The following TAF8 variants were observed in gnomAD, a reference collection of about 807,000 sequenced individuals.
The protein encoded by TAF8 is transcription initiation factor TFIID subunit 8.
TAF8 carries 47 observed loss-of-function variants against 36.5 expected under a neutral mutation model. The observed-to-expected ratio is 1.29, with a 90% CI of 1.02 to 1.64. The LOEUF (loss-of-function observed/expected upper bound fraction) is 1.64. Among genes scored for constraint, TAF8 ranks in the 40% most tolerant of loss-of-function variants. TAF8 has a pLI of 0.00. For missense variants in TAF8, 420 were observed against 407.6 expected (o/e 1.03, Z -0.26); for synonymous variants, 175 against 159.5 (o/e 1.10, Z -0.73).
intron 1 of TAF8, chr6:42,050,973 C>T: frequency 9.1e-7 from 1 of 1,093,392 alleles, no homozygotes; most frequent in Non-Finnish European, 1.1e-6. Flanking sequence ...TTACTGTTTT[C>T]ATTTTCCCTT....
intron 5 of TAF8, among the ~76,000 whole-genome samples, chr6:42,062,333 G>A (rs1765217063): frequency 6.6e-6 from 1 of 151,908 alleles, no homozygotes; most frequent in Non-Finnish European, 1.5e-5. Flanking sequence ...ATTCAGACAC[G>A]TGGGTCCAGA....
chr6:42,069,411 A>C (rs193108402), intron 7 of TAF8, among the ~76,000 whole-genome samples: 1 of 152,236 alleles, frequency 6.6e-6, no homozygotes, highest in African/African-American at 2.4e-5. Context: ...AAAAATAAGG[A>C]GATGTGGTCA....
chr6:42,050,641 T>C, intron 1 of TAF8, 55 bp downstream of exon 1: 1 of 1,513,868 alleles, frequency 6.6e-7, no homozygotes, highest in Non-Finnish European at 8.9e-7. Flanking sequence ...TCCTGCAACT[T>C]TCCCCTCGAC....
chr6:42,051,535 G>A (rs756552601), intron 2 of TAF8, 22 bp downstream of exon 2: 8 of 1,609,610 alleles, frequency 5.0e-6, no homozygotes, highest in Non-Finnish European at 6.8e-6. Context: ...GAAACACTTG[G>A]CCTTGGAGTC....
intron 5 of TAF8, among the ~76,000 whole-genome samples, chr6:42,065,222 T>G (rs1765320585): frequency 6.6e-6 from 1 of 151,872 alleles, no homozygotes; most frequent in Non-Finnish European, 1.5e-5. Flanking sequence ...GGCACGTGCC[T>G]GTAGTCCCAG....
chr6:42,073,333 G>T (rs184529873), intron 7 of TAF8, among the ~76,000 whole-genome samples: 1 of 152,154 alleles, frequency 6.6e-6, no homozygotes, highest in African/African-American at 2.4e-5. Context: ...ATTTTTTCTG[G>T]CTGCTTGGGA....
intron 7 of TAF8, among the ~76,000 whole-genome samples, chr6:42,071,008 C>T (rs144165613): frequency 5.5e-4 from 84 of 152,162 alleles, no homozygotes; most frequent in African/African-American, 1.9e-3. Flanking sequence ...TCATACTCAG[C>T]GAGTGAAAGG....
At chr6:42,086,652 C>T (rs1766033166), downstream of TAF8, 1 of 1,517,032 alleles carries the variant, frequency 6.6e-7, no homozygotes, top group Admixed American at 2.0e-5. Flanking sequence ...GCCCCCTCTT[C>T]CACCACCCTC....
rs576289564 is a variant in TAF8, at chr6:42,079,742, C to T, written c.*2197C>T. 3.7e-4 allele frequency: 225 copies of T among 613,580 alleles called. 2 individuals are homozygous for T. Among genetic ancestry groups the T allele is most frequent in the African/African-American group, 3.2e-3 (155 of 48,864 alleles). The allele number at this position is 613,580 out of a possible 1,614,324, so 38.0% of individuals were successfully genotyped here. ...TTTTTTTTTTTTTTTTTAGTAGACACGGGATTTTGCTATGTTGCCCAGGCT... is the reference window on the plus strand; with the variant it reads ...TTTTTTTTTTTTTTTTTAGTAGACATGGGATTTTGCTATGTTGCCCAGGCT... On this transcript the variant is annotated 3_prime_UTR_variant, in exon 9 of 9. Transcript: ENST00000372977.
At chr6:42,069,077 C>T (rs896819166) in intron 7 of TAF8, among the ~76,000 whole-genome samples, 7 of 152,010 alleles carry the variant, frequency 4.6e-5, no homozygotes, top group African/African-American at 1.7e-4. Flanking sequence ...GGCAGGAGCT[C>T]CCCTGTTGTA....
chr6:42,085,447 A>C (rs1286305557), downstream of TAF8, among the ~76,000 whole-genome samples: 1 of 152,192 alleles, frequency 6.6e-6, no homozygotes, highest in Non-Finnish European at 1.5e-5. Flanking sequence ...ATTTATGTTA[A>C]AATCCCCGAG....
In TAF8 at chr6:42,078,360, G is replaced by A. The variant is rs914314761; in HGVS notation, c.*815G>A. On this transcript the variant is annotated 3_prime_UTR_variant, in exon 9 of 9. Transcript: ENST00000372977. ...TTACAAGGAAGACTGTTTGTCCAGC[G>A]TGTATTTCAGGATATCTGGATCCCT... 2.6e-5 allele frequency: 26 copies of A among 985,350 alleles called. No homozygotes were observed. The highest frequency in any genetic ancestry group is 6.2e-5 in the Admixed American group (1 of 16,260). 61.0% of individuals were successfully genotyped at this position (985,350 alleles called of 1,614,324 possible).
chr6:42,080,386 T>C lies in TAF8; in HGVS notation c.*2841T>C. On this transcript the variant is annotated 3_prime_UTR_variant, in exon 9 of 9. Transcript: ENST00000372977. ...TTTTTTTCTTTTCTTTTTTTTTTTT[T>C]TTTGAGACGGCATCTCACTCTTATC... The C allele has an allele frequency of 1.0e-6, 1 of 987,222 alleles. No individual in the cohort carries two copies. The highest frequency in any genetic ancestry group is 1.2e-6 in the Non-Finnish European group (1 of 830,190). 61.2% of individuals were successfully genotyped at this position (987,222 alleles called of 1,614,324 possible). A position where few individuals can be genotyped will look rare whatever the true frequency, so the allele number is the denominator to read the frequency against.
At chr6:42,063,850 G>A (rs1022510036) in intron 5 of TAF8, 3 of 151,764 alleles carry the variant, frequency 2.0e-5, no homozygotes, top group African/African-American at 7.3e-5. Flanking sequence ...TGAACTCCCG[G>A]GCTCAAGCAG....
rs1764877184 is a variant in TAF8, at chr6:42,053,600, T to C, written c.203-1931T>C. On this transcript the variant is annotated intron_variant, in intron 2 of 8. Transcript: ENST00000372977. ...AAAAGAAAAAAAAAGAAGAAGAAATTTTGAAAATAAGAATGTACAATCACA... is the reference window on the plus strand; with the variant it reads ...AAAAGAAAAAAAAAGAAGAAGAAATCTTGAAAATAAGAATGTACAATCACA... Among the ~76,000 whole-genome samples, 4 of 151,874 alleles carry C rather than the reference T, an allele frequency of 2.6e-5. No individual in the cohort carries two copies. The South Asian group carries it at 8.3e-4, about 32-fold the overall frequency.
At chr6:42,074,643 T>C (rs1765685850) in intron 7 of TAF8, among the ~76,000 whole-genome samples, 1 of 152,128 alleles carries the variant, frequency 6.6e-6, no homozygotes, top group South Asian at 2.1e-4. Context: ...CAAGCGACTG[T>C]CTTGCCTCAG....
rs748725698 is a variant in TAF8, at chr6:42,068,473, G to A, written c.646G>A (p.Ala216Thr). 6.2e-7 allele frequency: 1 copy of A among 1,613,876 alleles called. No individual in the cohort carries two copies. The highest frequency in any genetic ancestry group is 1.1e-5 in the South Asian group (1 of 91,080). Residue 216 changes from alanine to threonine, a missense_variant, in exon 7 of 9, where the codon GCC becomes ACC. Ala to Thr is a moderately conservative substitution (Grantham distance 58). Transcript: ENST00000372977. The stretch of plus-strand genomic sequence containing the variant: ...CTCTTCCAATTCGCCAGTGATTGCT[G>A]CCAGACCTTTCACCATCCCCTACCT... The part of the protein sequence containing the change: ...DDVSTFPLIA[A>T]RPFTIPYLTA...
chr6:42,052,068 C>CT (rs1467110754), intron 2 of TAF8, among the ~76,000 whole-genome samples: 1 of 152,214 alleles, frequency 6.6e-6, no homozygotes, highest in African/African-American at 2.4e-5. Flanking sequence ...GGGCAAGCCA[C>CT]TGAATCTCCT....
In TAF8 at chr6:42,081,562, A is replaced by C. The variant is rs1470894826; in HGVS notation, c.*4017A>C. ...TTTTTGTATTTTTCAGTAGAGATGG[A>C]GTTTCACTGCATTAGCCAGGATGGT... On this transcript the variant is annotated 3_prime_UTR_variant, in exon 9 of 9. Coordinates refer to ENST00000372977, the MANE Select transcript of TAF8 (RefSeq NM_138572.3). The C allele has an allele frequency of 3.9e-5, 6 of 152,020 alleles. No individual in the cohort carries two copies. 9.4% of individuals were successfully genotyped at this position (152,020 alleles called of 1,614,324 possible).
Sources: gnomAD v4.1 joint callset for allele counts (sites outside exome capture counted in the v4.1 genomes callset) on GRCh38, gnomAD v4.1.1 for gene constraint, MANE v1.5 for transcripts, NCBI Gene and HGNC (gene_info 2026-07-23, HGNC 2026-07-21) for gene names.